Variants in RGS6 observed in about 807,000 individuals in gnomAD.
RGS6 encodes the protein regulator of G protein signaling 6.
A neutral mutation model predicts 78.5 loss-of-function variants in RGS6; 30 were observed. The ratio of observed to expected loss-of-function variants is 0.38; its 90% CI spans 0.29 to 0.52. The LOEUF (loss-of-function observed/expected upper bound fraction) is 0.52. RGS6 is among the 20% of genes least tolerant of loss of function. The probability of loss-of-function intolerance (pLI) is 0.85; values close to 1 mark genes in which losing one functional copy is unlikely to be tolerated. For synonymous variants in RGS6, 206 were observed against 206.0 expected, an observed-to-expected ratio of 1.00 and a Z score of 0.00; for missense variants, 495 against 609.7, an observed-to-expected ratio of 0.81 and a Z score of 1.98.
chr14:72,403,077 T>G (rs898968118), intron 3 of RGS6, among the ~76,000 whole-genome samples: 1 of 152,056 alleles, frequency 6.6e-6, no homozygotes, highest in Non-Finnish European at 1.5e-5. Context: ...AGATAAGAGC[T>G]ACCATGCCCA....
rs867512381 is a variant in RGS6 at position 72,076,307 on chromosome 14, T to C, written c.84+111432T>C. ...TGACCTTACAAGTTTTATTTTTCCA[T>C]TTCTGAATCTCAATTATTTTCATTT... On this transcript the variant is annotated intron_variant, in intron 2 of 17. Transcript: ENST00000553525. Among the ~76,000 whole-genome samples the C allele has an allele frequency of 9.2e-5, 14 of 152,354 alleles. 1 individual carries two copies. In the South Asian group the frequency reaches 2.7e-3, roughly 29 times the overall value.
chr14:71,990,552 G>A, intron 2 of RGS6: 1 of 455,028 alleles, frequency 2.2e-6, no homozygotes, highest in South Asian at 1.6e-5. Flanking sequence ...TTAAGTAGTG[G>A]AGAGGATCAT....
chr14:72,315,428 T>C (rs1188670961), intron 2 of RGS6, among the ~76,000 whole-genome samples: 4 of 152,254 alleles, frequency 2.6e-5, no homozygotes, highest in African/African-American at 9.6e-5. Flanking sequence ...ACCTGCTACA[T>C]GTTTAGTCAG....
chr14:72,552,347 G>A (rs75909336), intron 17 of RGS6, among the ~76,000 whole-genome samples: 2,247 of 152,320 alleles, frequency 0.015, 23 homozygotes, highest in Middle Eastern at 0.044. Flanking sequence ...AGCACTTCCC[G>A]GGAAGCTGTG....
chr14:72,007,066 A>G (rs2084711383), intron 2 of RGS6, among the ~76,000 whole-genome samples: 1 of 152,240 alleles, frequency 6.6e-6, no homozygotes, highest in South Asian at 2.1e-4. Flanking sequence ...TGTCACCTGC[A>G]GTAATGTAGA....
At position 72,539,547 on chromosome 14, in the gene RGS6, C is replaced by T. The variant is rs10143376; in HGVS notation, c.1369-494C>T. Among the ~76,000 whole-genome samples the T allele has an allele frequency of 8.5e-3, 1,297 of 152,286 alleles. 17 individuals carry two copies. The highest frequency in any genetic ancestry group is 0.03 in the African/African-American group (1,235 of 41,554). ...AGACTCATGGATGAGTAGATAACTT[C>T]GCTTCCCCGGCAGCCCCTTCCTGAC... On this transcript the variant is annotated intron_variant, in intron 16 of 17. Coordinates refer to ENST00000553525, the MANE Select transcript of RGS6 (RefSeq NM_001204424.2).
the RGS6 span, among the ~76,000 whole-genome samples, chr14:72,584,703 G>C: frequency 6.6e-6 from 1 of 152,224 alleles, no homozygotes; most frequent in Non-Finnish European, 1.5e-5. Flanking sequence ...AGCTGAGAGA[G>C]ACTGGGGAAG....
At position 72,431,525 on chromosome 14, in the gene RGS6, A is replaced by ATTTATTTTATTTTATTTTAT. The variant is rs56081815; in HGVS notation, c.185-22983_185-22964dup. On this transcript the variant is annotated intron_variant, in intron 3 of 17. Transcript: ENST00000553525. ...GCACCACCACACTTTATTTTGTTTT[A>ATTTATTTTATTTTATTTTAT]TTTATTTTATTTTATTTTATTTTAT... is the stretch of plus-strand genomic sequence containing the variant. 8.9e-3 allele frequency among the ~76,000 whole-genome samples: 1,311 copies of ATTTATTTTATTTTATTTTAT among 147,628 alleles called. 36 individuals are homozygous for ATTTATTTTATTTTATTTTAT. The highest frequency in any genetic ancestry group is 0.031 in the African/African-American group (1,229 of 40,048).
At chr14:72,362,245 A>G (rs2081595283) in intron 3 of RGS6, among the ~76,000 whole-genome samples, 1 of 152,224 alleles carries the variant, frequency 6.6e-6, no homozygotes, top group Non-Finnish European at 1.5e-5. Flanking sequence ...GCTATGTGCC[A>G]TAATAGAAGA....
At chr14:71,882,479 C>T in the RGS6 span, among the ~76,000 whole-genome samples, 57 of 152,198 alleles carry the variant, frequency 3.7e-4, no homozygotes, top group African/African-American at 1.3e-3. Context: ...ATATGTGGTT[C>T]GTTAAGAAAA....
intron 2 of RGS6, among the ~76,000 whole-genome samples, chr14:72,121,481 C>T (rs2049311642): frequency 1.3e-5 from 2 of 152,140 alleles, no homozygotes; most frequent in South Asian, 2.1e-4. Context: ...CCTGGAGGCT[C>T]ATCTGCACAG....
intron 2 of RGS6, among the ~76,000 whole-genome samples, chr14:72,272,417 A>G (rs926389102): frequency 1.3e-5 from 2 of 152,192 alleles, no homozygotes; most frequent in Non-Finnish European, 2.9e-5. Context: ...CAAGTTGTTG[A>G]ACTGCTCTGG....
chr14:72,410,441 G>T (rs1050306052), intron 3 of RGS6, among the ~76,000 whole-genome samples: 27 of 151,938 alleles, frequency 1.8e-4, no homozygotes, highest in Middle Eastern at 3.4e-3. Flanking sequence ...TAAATTTGTT[G>T]GAGTTCATTG....
At chr14:72,448,762 GT>G (rs376628041) in intron 3 of RGS6, among the ~76,000 whole-genome samples, 16 of 152,020 alleles carry the variant, frequency 1.1e-4, no homozygotes, top group Admixed American at 1.0e-3. Flanking sequence ...TTTTCTAATT[GT>G]TTTTTCTTTA....
At chr14:72,151,579 C>G (rs1284841562) in intron 2 of RGS6, among the ~76,000 whole-genome samples, 1 of 152,112 alleles carries the variant, frequency 6.6e-6, no homozygotes, top group African/African-American at 2.4e-5. Flanking sequence ...CGCTGAATCT[C>G]TAGCTGTGTG....
intron 2 of RGS6, among the ~76,000 whole-genome samples, chr14:72,046,022 T>G (rs1189335475): frequency 2.0e-5 from 3 of 152,120 alleles, no homozygotes; most frequent in African/African-American, 7.2e-5. Context: ...TTGGTCGTAG[T>G]GAAGTCCTCA....
chr14:72,343,052 C>A (rs2077335808), intron 2 of RGS6, among the ~76,000 whole-genome samples: 1 of 152,160 alleles, frequency 6.6e-6, no homozygotes, highest in African/African-American at 2.4e-5. Flanking sequence ...TACTGATTAG[C>A]CAAATATTTG....
the RGS6 span, among the ~76,000 whole-genome samples, chr14:72,575,854 A>G: frequency 6.6e-6 from 1 of 152,246 alleles, no homozygotes; most frequent in Non-Finnish European, 1.5e-5. Context: ...TCCATTTTCA[A>G]GCCAGCCTAT....
intron 2 of RGS6, among the ~76,000 whole-genome samples, chr14:72,258,515 T>C (rs2057514274): frequency 6.6e-6 from 1 of 152,344 alleles, no homozygotes; most frequent in Non-Finnish European, 1.5e-5. Flanking sequence ...CTAGCTTCTA[T>C]AGTACCCAAG....
Sources: gnomAD v4.1 joint callset for allele counts (sites outside exome capture counted in the v4.1 genomes callset) on GRCh38, gnomAD v4.1.1 for gene constraint, MANE v1.5 for transcripts, NCBI Gene and HGNC (gene_info 2026-07-23, HGNC 2026-07-21) for gene names.